The following KCNIP3 variants were observed in gnomAD, a reference collection of about 807,000 sequenced individuals.
KCNIP3 encodes the protein potassium voltage-gated channel interacting protein 3, also known as calsenilin.
KCNIP3 carries 28 observed loss-of-function variants against 35.0 expected under a neutral mutation model. The ratio of observed to expected loss-of-function variants is 0.80; its 90% confidence interval spans 0.59 to 1.10. The LOEUF (loss-of-function observed/expected upper bound fraction) is 1.10, where lower values mean the gene tolerates loss of function less well. KCNIP3 is among the 50% of genes least tolerant of loss of function. The pLI, the probability that KCNIP3 is intolerant of heterozygous loss-of-function variation, is 0.00. For missense variants in KCNIP3, 295 were observed against 338.4 expected, an observed-to-expected ratio of 0.87 and a Z score of 1.01; for synonymous variants, 134 against 133.8, an observed-to-expected ratio of 1.00 and a Z score of -0.01.
intron 2 of KCNIP3, among the ~76,000 whole-genome samples, chr2:95,348,977 A>C (rs1679444998): frequency 6.6e-6 from 1 of 152,098 alleles, no homozygotes; most frequent in African/African-American, 2.4e-5. Flanking sequence ...TGGATAATAA[A>C]TGTGCAGGCT....
intron 2 of KCNIP3, among the ~76,000 whole-genome samples, chr2:95,346,234 C>G (rs1405278622): frequency 6.6e-6 from 1 of 151,784 alleles, no homozygotes; most frequent in African/African-American, 2.4e-5. Context: ...CCGCCGCCGA[C>G]TCCGCGCGGG....
chr2:95,369,692 A>G (rs556090392), intron 2 of KCNIP3, among the ~76,000 whole-genome samples: 1 of 151,080 alleles, frequency 6.6e-6, no homozygotes, highest in Non-Finnish European at 1.5e-5. Context: ...GTGCAGTGGT[A>G]TGACCATGGC....
At chr2:95,313,548 G>T (rs7580685) in intron 2 of KCNIP3, 4 of 152,100 alleles carry the variant, frequency 2.6e-5, no homozygotes, top group African/African-American at 9.7e-5. Flanking sequence ...TGCCCTGCAT[G>T]CCTCCCCTGC....
chr2:95,314,355 A>G (rs1169161597), intron 2 of KCNIP3, among the ~76,000 whole-genome samples: 1 of 152,218 alleles, frequency 6.6e-6, no homozygotes, highest in Non-Finnish European at 1.5e-5. Flanking sequence ...ACCCCTTTCC[A>G]TGGGGTTGTA....
At chr2:95,326,268 A>G (rs1180183842) in intron 2 of KCNIP3, among the ~76,000 whole-genome samples, 1 of 151,698 alleles carries the variant, frequency 6.6e-6, no homozygotes, top group Non-Finnish European at 1.5e-5. Flanking sequence ...ACACTCACAC[A>G]TACACTCACT....
intron 2 of KCNIP3, among the ~76,000 whole-genome samples, chr2:95,317,143 C>G (rs1323301193): frequency 3.9e-5 from 6 of 152,180 alleles, no homozygotes; most frequent in Non-Finnish European, 8.8e-5. Flanking sequence ...ATGCCCCCGT[C>G]CTACTCAGGG....
intron 2 of KCNIP3, among the ~76,000 whole-genome samples, chr2:95,369,100 A>G (rs571932404): frequency 6.6e-6 from 1 of 152,224 alleles, no homozygotes; most frequent in Non-Finnish European, 1.5e-5. Context: ...GATGTTAACT[A>G]TAGATTTTGT....
intron 2 of KCNIP3, among the ~76,000 whole-genome samples, chr2:95,345,828 C>T (rs1573503252): frequency 6.6e-6 from 1 of 152,238 alleles, no homozygotes; most frequent in Non-Finnish European, 1.5e-5. Context: ...GCGGCTTTCC[C>T]TCCTCTACCA....
At chr2:95,364,872 C>G (rs1679882433) in intron 2 of KCNIP3, among the ~76,000 whole-genome samples, 1 of 152,046 alleles carries the variant, frequency 6.6e-6, no homozygotes, top group South Asian at 2.1e-4. Flanking sequence ...ATCACTTGAG[C>G]CCAGGAGTTT....
intron 2 of KCNIP3, among the ~76,000 whole-genome samples, chr2:95,331,969 A>T (rs1678942813): frequency 6.6e-6 from 1 of 152,204 alleles, no homozygotes; most frequent in Non-Finnish European, 1.5e-5. Context: ...TCTGCATGTG[A>T]GAGGTGAAGG....
At chr2:95,321,215 G>T (rs546423180) in intron 2 of KCNIP3, among the ~76,000 whole-genome samples, 2 of 152,332 alleles carry the variant, frequency 1.3e-5, no homozygotes, top group South Asian at 4.1e-4. Context: ...TCACAGAGCC[G>T]GTTTCGCAGC....
chr2:95,300,211 C>T (rs957660032), intron 1 of KCNIP3, among the ~76,000 whole-genome samples: 3 of 152,260 alleles, frequency 2.0e-5, no homozygotes, highest in Admixed American at 2.0e-4. Flanking sequence ...ACAAGCCAGA[C>T]TCCACCTGGC....
chr2:95,316,933 A>G (rs1055757082), intron 2 of KCNIP3, among the ~76,000 whole-genome samples: 1 of 152,122 alleles, frequency 6.6e-6, no homozygotes, highest in Admixed American at 6.5e-5. Context: ...GCCTTTATTT[A>G]TTGCTAAGTG....
Position 95,384,087 on chromosome 2 carries a change from A to T in KCNIP3, c.*38A>T. ...GGAGTGCATGGCCACAGCCACCTCC[A>T]CCCCCAAGAAACCTCCATCCTGCCA... On this transcript the variant is annotated 3_prime_UTR_variant, in exon 9 of 9. Transcript: ENST00000295225. 6.2e-7 allele frequency: 1 copy of T among 1,600,390 alleles called. No individual in the cohort carries two copies.
rs113604413 is a variant in KCNIP3 at position 95,297,393 on chromosome 2, G to T, written c.-46G>T. On this transcript the variant is annotated 5_prime_UTR_variant, in exon 1 of 9. Transcript: ENST00000295225. Reference sequence around the variant, plus strand: ...CGGCCTGGGCAGTCTTGTCTGCCTCGGCTGTGAAGTGGGGAGGCTGGCAAC... The same window carrying T: ...CGGCCTGGGCAGTCTTGTCTGCCTCTGCTGTGAAGTGGGGAGGCTGGCAAC... 1 of 1,558,748 alleles carries T rather than the reference G, an allele frequency of 6.4e-7. No homozygotes were observed.
chr2:95,346,106 G>A, intron 2 of KCNIP3, among the ~76,000 whole-genome samples: 1 of 152,222 alleles, frequency 6.6e-6, no homozygotes. Flanking sequence ...CAGAACGGGA[G>A]AACTTTGGAG....
intron 2 of KCNIP3, among the ~76,000 whole-genome samples, chr2:95,336,091 T>G (rs1679053620): frequency 6.6e-6 from 1 of 152,260 alleles, no homozygotes; most frequent in Non-Finnish European, 1.5e-5. Context: ...AGTGTGAACT[T>G]CTTTTGCAGG....
At chr2:95,323,523 G>C (rs1025811393) in intron 2 of KCNIP3, among the ~76,000 whole-genome samples, 8 of 151,854 alleles carry the variant, frequency 5.3e-5, no homozygotes, top group Non-Finnish European at 1.2e-4. Flanking sequence ...GCGGGTGCAG[G>C]AGTGCTCTCT....
Position 95,377,294 on chromosome 2 carries a change from C to T in KCNIP3, c.447+2086C>T, listed in dbSNP as rs181265199. ...TCAGGCCCAGTTTGGAAGTGGCAGC[C>T]AGGCAGGCATCTGGAGGTGCGGCCG... is the stretch of plus-strand genomic sequence containing the variant. On this transcript the variant is annotated intron_variant, in intron 5 of 8. Coordinates refer to ENST00000295225, the MANE Select transcript of KCNIP3 (RefSeq NM_013434.5). This position sits in a 1 kb window ranked among gnomAD's most constrained non-coding sequence, Gnocchi z 4.7. Among the ~76,000 whole-genome samples, 4 of 152,368 alleles carry T rather than the reference C, an allele frequency of 2.6e-5. No homozygotes were observed. Among genetic ancestry groups the T allele is most frequent in the East Asian group, 3.9e-4 (2 of 5,182 alleles).
Sources: gnomAD v4.1 joint callset for allele counts (sites outside exome capture counted in the v4.1 genomes callset) on GRCh38, gnomAD v4.1.1 for gene constraint, Gnocchi (gnomAD v3.1) non-coding constraint, MANE v1.5 for transcripts, NCBI Gene and HGNC (gene_info 2026-07-23, HGNC 2026-07-21) for gene names.